Variants in CAMK1D observed in about 807,000 individuals in gnomAD.
CAMK1D encodes the protein calcium/calmodulin dependent protein kinase ID, also known as calcium/calmodulin-dependent protein kinase type 1D.
In CAMK1D, 9 loss-of-function variants were observed where a neutral mutation model predicts 47.7. The ratio of observed to expected loss-of-function variants is 0.19; its 90% CI spans 0.11 to 0.33. The LOEUF is 0.33. CAMK1D is among the 10% of genes least tolerant of loss of function. The probability of loss-of-function intolerance (pLI) is 1.00; values close to 1 mark genes in which losing one functional copy is unlikely to be tolerated. For missense variants in CAMK1D, 291 were observed against 488.7 expected, an observed-to-expected ratio of 0.60 and a Z score of 3.81; for synonymous variants, 184 against 184.9, an observed-to-expected ratio of 0.99 and a Z score of 0.04.
At chr10:12,578,538 C>T (rs7358285) in intron 2 of CAMK1D, among the ~76,000 whole-genome samples, 5,438 of 128,026 alleles carry the variant, frequency 0.042, 291 homozygotes, top group African/African-American at 0.15. Flanking sequence ...CCATTGCACT[C>T]CAGCCTGGGC....
At chr10:12,594,424 C>T (rs796967061) in intron 2 of CAMK1D, among the ~76,000 whole-genome samples, 1 of 152,206 alleles carries the variant, frequency 6.6e-6, no homozygotes, top group African/African-American at 2.4e-5. Context: ...TTCAAAGTGA[C>T]ATTTTGGGAT....
chr10:12,512,542 C>T (rs1835070748), intron 1 of CAMK1D, among the ~76,000 whole-genome samples: 1 of 152,118 alleles, frequency 6.6e-6, no homozygotes, highest in Admixed American at 6.5e-5. Flanking sequence ...ACTCGGAGCT[C>T]ATTACTGAAG....
At chr10:12,368,475 C>G (rs907334541) in intron 1 of CAMK1D, among the ~76,000 whole-genome samples, 1 of 151,996 alleles carries the variant, frequency 6.6e-6, no homozygotes, top group Non-Finnish European at 1.5e-5. Context: ...TGATTAGATT[C>G]ATGAAGTTCA....
At chr10:12,739,298 G>A (rs1310087003) in intron 3 of CAMK1D, among the ~76,000 whole-genome samples, 1 of 151,976 alleles carries the variant, frequency 6.6e-6, no homozygotes, top group African/African-American at 2.4e-5. Context: ...CCCCGAGACA[G>A]AGTCTTGCTC....
At chr10:12,490,478 G>T (rs1052076915) in intron 1 of CAMK1D, among the ~76,000 whole-genome samples, 10 of 152,132 alleles carry the variant, frequency 6.6e-5, no homozygotes, top group African/African-American at 2.4e-4. Flanking sequence ...TTGAGAAAAA[G>T]TAGCAGAACA....
chr10:12,806,491 G>T (rs73576085), intron 6 of CAMK1D, among the ~76,000 whole-genome samples: 1,962 of 152,312 alleles, frequency 0.013, 46 homozygotes, highest in African/African-American at 0.045. Context: ...AGCAGCTGTG[G>T]AGGAGGAATC....
At chr10:12,495,679 G>T (rs900945281) in intron 1 of CAMK1D, among the ~76,000 whole-genome samples, 27 of 152,140 alleles carry the variant, frequency 1.8e-4, no homozygotes, top group African/African-American at 6.5e-4. Context: ...ACTCCAACAG[G>T]TTACACTAAT....
At chr10:12,439,208 A>G (rs1832715428) in intron 1 of CAMK1D, among the ~76,000 whole-genome samples, 1 of 152,132 alleles carries the variant, frequency 6.6e-6, no homozygotes, top group African/African-American at 2.4e-5. Context: ...TTCATAACTC[A>G]TATTCGAAGT....
chr10:12,423,327 A>G (rs536879532), intron 1 of CAMK1D, among the ~76,000 whole-genome samples: 43 of 152,260 alleles, frequency 2.8e-4, no homozygotes, highest in Non-Finnish European at 5.6e-4. Context: ...CAGCCTGGGC[A>G]ACAAAGTGAG....
At chr10:12,604,778 T>G (rs1463827788) in intron 2 of CAMK1D, among the ~76,000 whole-genome samples, 1 of 152,194 alleles carries the variant, frequency 6.6e-6, no homozygotes, top group African/African-American at 2.4e-5. Flanking sequence ...GAGTGACTAC[T>G]TGGGTAGTAT....
intron 1 of CAMK1D, among the ~76,000 whole-genome samples, chr10:12,387,035 C>T (rs1204746466): frequency 3.3e-5 from 5 of 151,634 alleles, no homozygotes; most frequent in Non-Finnish European, 5.9e-5. Flanking sequence ...AACCCCGTCT[C>T]TACTAAAAAT....
At chr10:12,626,321 CAT>C (rs2132454231) in intron 2 of CAMK1D, among the ~76,000 whole-genome samples, 2 of 152,150 alleles carry the variant, frequency 1.3e-5, no homozygotes, top group African/African-American at 4.8e-5. Flanking sequence ...AATCAATATA[CAT>C]AGTTTTGAAA....
intron 4 of CAMK1D, among the ~76,000 whole-genome samples, chr10:12,765,630 T>A (rs1038815953): frequency 2.0e-5 from 3 of 152,230 alleles, no homozygotes; most frequent in African/African-American, 7.2e-5. Context: ...GGCCTCATTG[T>A]CTGGGGTGAT....
chr10:12,825,648 G>A lies in CAMK1D; in HGVS notation c.997G>A (p.Ala333Thr). The change falls in exon 10 of 11, where the codon GCA (alanine) becomes ACA (threonine). Residue 333 changes from alanine (A) to threonine (T), a missense_variant. Ala to Thr is a moderately conservative substitution (Grantham distance 58). Coordinates refer to ENST00000619168, the MANE Select transcript of CAMK1D (RefSeq NM_153498.4). Reference protein sequence around the residue: ...HLGSSLDSSNASVSSSLSLAS... With the variant: ...HLGSSLDSSNTSVSSSLSLAS... Reference sequence around the variant, plus strand: ...CGGCAGCAGCCTGGACAGTTCAAATGCAAGTGTTTCGAGCAGCCTCAGTTT... The same window carrying A: ...CGGCAGCAGCCTGGACAGTTCAAATACAAGTGTTTCGAGCAGCCTCAGTTT... 6.2e-7 allele frequency: 1 copy of A among 1,614,242 alleles called. No individual in the cohort carries two copies. Among genetic ancestry groups the A allele is most frequent in the Non-Finnish European group, 8.5e-7 (1 of 1,180,046 alleles).
chr10:12,403,494 C>T (rs1839303720), intron 1 of CAMK1D, among the ~76,000 whole-genome samples: 1 of 152,098 alleles, frequency 6.6e-6, no homozygotes, highest in African/African-American at 2.4e-5. Flanking sequence ...GAAGAGTGGG[C>T]ACTCAAAAAA....
chr10:12,825,202 CA>C (rs1833156078), intron 9 of CAMK1D, among the ~76,000 whole-genome samples: 1 of 24,816 alleles, frequency 4.0e-5, no homozygotes, highest in African/African-American at 1.4e-4. Context: ...ATCTTTCAGA[CA>C]AAAGTACCAA....
intron 1 of CAMK1D, among the ~76,000 whole-genome samples, chr10:12,427,144 A>C (rs974967512): frequency 5.3e-5 from 8 of 152,348 alleles, no homozygotes; most frequent in African/African-American, 1.9e-4. Flanking sequence ...TTCTCAGGAC[A>C]ACTGGGCATC....
intron 2 of CAMK1D, among the ~76,000 whole-genome samples, chr10:12,563,136 C>T (rs1436642013): frequency 1.3e-5 from 2 of 152,214 alleles, no homozygotes; most frequent in Admixed American, 6.5e-5. Context: ...GGCCCAAGGC[C>T]AAAGACCTGG....
intron 1 of CAMK1D, among the ~76,000 whole-genome samples, chr10:12,378,369 C>T (rs1838243473): frequency 6.6e-6 from 1 of 152,148 alleles, no homozygotes; most frequent in South Asian, 2.1e-4. Flanking sequence ...CCTCAGCCTC[C>T]TGTGTAGCTG....
Sources: allele counts gnomAD v4.1 joint callset (sites outside exome capture counted in the v4.1 genomes callset), GRCh38; gene constraint gnomAD v4.1.1; transcripts MANE v1.5; gene names NCBI Gene and HGNC (gene_info 2026-07-23, HGNC 2026-07-21).